The following MPP7 variants were observed in gnomAD, a reference collection of about 807,000 sequenced individuals.
MPP7 encodes the protein MAGUK p55 subfamily member 7.
A neutral mutation model predicts 76.5 loss-of-function variants in MPP7; 60 were observed. The ratio of observed to expected loss-of-function variants is 0.78; its 90% CI spans 0.64 to 0.97. The LOEUF is 0.97. Among genes scored for constraint, MPP7 ranks in the 50% least tolerant of loss-of-function variants. The probability of loss-of-function intolerance (pLI) is 0.00; values close to 1 mark genes in which losing one functional copy is unlikely to be tolerated. For synonymous variants in MPP7, 237 were observed against 244.5 expected, an observed-to-expected ratio of 0.97 and a Z score of 0.29; for missense variants, 641 against 694.0, an observed-to-expected ratio of 0.92 and a Z score of 0.86.
intron 1 of MPP7, among the ~76,000 whole-genome samples, chr10:28,297,420 C>T (rs561899998): frequency 4.6e-5 from 7 of 152,216 alleles, no homozygotes; most frequent in Non-Finnish European, 7.4e-5. Flanking sequence ...ACAATAAGGC[C>T]GGGCGCTGTG....
chr10:28,213,097 A>G (rs1444204598), intron 2 of MPP7, among the ~76,000 whole-genome samples: 1 of 151,862 alleles, frequency 6.6e-6, no homozygotes. Flanking sequence ...GCTCCCCTAG[A>G]TGTGACTAAT....
rs555632067 is a variant in MPP7 at position 28,283,166 on chromosome 10, CAAAG to C, written c.-132+19691_-132+19694del. 6.3e-4 allele frequency among the ~76,000 whole-genome samples: 96 copies of C among 151,830 alleles called. 1 individual carries two copies. Among genetic ancestry groups the C allele is most frequent in the Middle Eastern group, 3.4e-3 (1 of 294 alleles). The stretch of plus-strand genomic sequence containing the variant: ...GCTTATCCAAATTATGTGAAGGAGC[CAAAG>C]AAAGAAAGATTAAAGATCCATAAAG... On this transcript the variant is annotated intron_variant, in intron 1 of 16. Transcript: ENST00000683449.
intron 3 of MPP7, among the ~76,000 whole-genome samples, chr10:28,168,115 T>C (rs995186507): frequency 1.3e-5 from 2 of 152,128 alleles, no homozygotes; most frequent in Non-Finnish European, 2.9e-5. Context: ...CGCATGCTTG[T>C]AGTCCTAGCT....
intron 2 of MPP7, among the ~76,000 whole-genome samples, chr10:28,202,688 T>A (rs1434191858): frequency 1.3e-5 from 2 of 152,160 alleles, no homozygotes; most frequent in African/African-American, 4.8e-5. Context: ...GGGTGGCCCA[T>A]TAAAAGGGTT....
intron 3 of MPP7, among the ~76,000 whole-genome samples, chr10:28,194,952 G>A (rs1837532167): frequency 6.6e-6 from 1 of 152,170 alleles, no homozygotes; most frequent in Admixed American, 6.6e-5. Context: ...AAGAGAAACT[G>A]GGAAGGGGAG....
intron 12 of MPP7, among the ~76,000 whole-genome samples, chr10:28,087,713 CAT>C (rs948047230): frequency 3.9e-5 from 6 of 152,148 alleles, no homozygotes; most frequent in Non-Finnish European, 4.4e-5. Flanking sequence ...CATTTTATTA[CAT>C]GTCTTTCCCC....
At chr10:28,318,786 T>A (rs376893156) in intron 2 of MPP7, among the ~76,000 whole-genome samples, 31 of 152,222 alleles carry the variant, frequency 2.0e-4, no homozygotes, top group African/African-American at 7.2e-4. Context: ...AAAGGTTTTT[T>A]ACTTGCCTTG....
intron 2 of MPP7, among the ~76,000 whole-genome samples, chr10:28,319,011 A>C (rs1439102204): frequency 6.6e-6 from 1 of 152,254 alleles, no homozygotes; most frequent in African/African-American, 2.4e-5. Context: ...TTACACTGCT[A>C]TAAAGAAATA....
intron 2 of MPP7, among the ~76,000 whole-genome samples, chr10:28,232,231 A>G (rs1192495627): frequency 1.3e-5 from 2 of 152,062 alleles, no homozygotes; most frequent in African/African-American, 4.8e-5. Context: ...GCATGGTGGC[A>G]TGCGCCTAAA....
chr10:28,139,686 C>A (rs898114457), intron 5 of MPP7, among the ~76,000 whole-genome samples: 1 of 152,074 alleles, frequency 6.6e-6, no homozygotes, highest in African/African-American at 2.4e-5. Flanking sequence ...AAGTGCACGG[C>A]AAAAAGGCTG....
rs1190326893 is a variant in MPP7, at chr10:28,120,308, T to C, written c.773A>G (p.Lys258Arg). The C allele has an allele frequency of 9.3e-6, 15 of 1,613,914 alleles. No individual in the cohort carries two copies. The highest frequency in any genetic ancestry group is 3.3e-5 in the Admixed American group (2 of 59,984). Reference sequence around the variant, plus strand: ...GCTCATAATCTGAAGAATATCTCCCTTTTTGAAAGAAAGCCCAGCTTCCTT... The same window carrying C: ...GCTCATAATCTGAAGAATATCTCCCCTTTTGAAAGAAAGCCCAGCTTCCTT... Reference protein sequence around the residue: ...PCKEAGLSFKKGDILQIMSQD... With the variant: ...PCKEAGLSFKRGDILQIMSQD... The change falls in exon 10 of 17, where the codon AAG becomes AGG. Residue 258 changes from lysine to arginine, a missense_variant. Physicochemically the swap from Lys to Arg is conservative, Grantham distance 26 (BLOSUM62 2). Transcript: ENST00000683449.
chr10:28,186,241 G>C (rs1430378678), intron 3 of MPP7, among the ~76,000 whole-genome samples: 1 of 151,962 alleles, frequency 6.6e-6, no homozygotes, highest in African/African-American at 2.4e-5. Context: ...AGCTACTCAG[G>C]AGGCTGAGGC....
rs1836724858 is a variant in MPP7, at chr10:28,172,731, C to T, written c.157-22672G>A. ...ACCAATTACACTAATGATTGCTTCT[C>T]GTGTATCTAATTACACATTTGCCAA... is the stretch of plus-strand genomic sequence containing the variant. On this transcript the variant is annotated intron_variant, in intron 3 of 16. Coordinates refer to ENST00000683449, the MANE Select transcript of MPP7 (RefSeq NM_001318170.2). Among the ~76,000 whole-genome samples the T allele has an allele frequency of 1.3e-5, 2 of 152,312 alleles. 1 individual carries two copies.
intron 11 of MPP7, among the ~76,000 whole-genome samples, chr10:28,098,251 A>T (rs566363846): frequency 1.2e-4 from 19 of 152,154 alleles, no homozygotes; most frequent in African/African-American, 4.6e-4. Context: ...AAAGAAATGA[A>T]GTTGAAACTA....
At chr10:28,123,119 A>G (rs1423213648) in intron 8 of MPP7, among the ~76,000 whole-genome samples, 1 of 152,312 alleles carries the variant, frequency 6.6e-6, no homozygotes, top group East Asian at 1.9e-4. Context: ...CCTTAACCAT[A>G]TACTAAATTT....
chr10:28,231,273 AT>A (rs1440556060), intron 2 of MPP7, among the ~76,000 whole-genome samples: 1 of 151,946 alleles, frequency 6.6e-6, no homozygotes, highest in Non-Finnish European at 1.5e-5. Flanking sequence ...ATTAGAAAAT[AT>A]TTTTAAATTA....
chr10:28,196,937 G>C (rs1011906430), intron 3 of MPP7, among the ~76,000 whole-genome samples: 6 of 152,080 alleles, frequency 3.9e-5, no homozygotes, highest in African/African-American at 9.7e-5. Context: ...CACTCTCTTA[G>C]AAGAAAGCCC....
intron 3 of MPP7, among the ~76,000 whole-genome samples, chr10:28,198,694 A>T (rs1837671454): frequency 6.6e-6 from 1 of 151,928 alleles, no homozygotes; most frequent in Non-Finnish European, 1.5e-5. Context: ...AAACATAACT[A>T]AAAAAAATAA....
chr10:28,312,316 A>G (rs1232012282), intron 2 of MPP7, among the ~76,000 whole-genome samples: 1 of 152,068 alleles, frequency 6.6e-6, no homozygotes, highest in Non-Finnish European at 1.5e-5. Flanking sequence ...TGATTGGTGC[A>G]TTTTACAGAG....
Sources: allele counts gnomAD v4.1 joint callset (sites outside exome capture counted in the v4.1 genomes callset), GRCh38; gene constraint gnomAD v4.1.1; transcripts MANE v1.5; gene names NCBI Gene and HGNC (gene_info 2026-07-23, HGNC 2026-07-21).